CLASP1: variants seen among roughly 807,000 people sequenced by gnomAD.
CLASP1 encodes CLIP-associating protein 1.
CLASP1 carries 38 observed loss-of-function variants against 192.3 expected under a neutral mutation model. That is an observed-to-expected ratio of 0.20 (90% CI 0.15 to 0.26). The LOEUF (loss-of-function observed/expected upper bound fraction) is 0.26, where lower values mean the gene tolerates loss of function less well. CLASP1 is among the 10% of genes least tolerant of loss of function. The pLI is 1.00. For synonymous variants in CLASP1, 691 were observed against 712.8 expected (o/e 0.97, Z 0.49); for missense variants, 1,433 against 1,932.5 (o/e 0.74, Z 4.85).
chr2:121,591,632 C>T (rs1389739866), intron 2 of CLASP1, among the ~76,000 whole-genome samples: 2 of 152,226 alleles, frequency 1.3e-5, no homozygotes, highest in Non-Finnish European at 2.9e-5. Flanking sequence ...CGCTGGTGCA[C>T]AACCAGGCCA....
intron 1 of CLASP1, among the ~76,000 whole-genome samples, chr2:121,610,267 G>A (rs2065059960): frequency 6.6e-6 from 1 of 151,396 alleles, no homozygotes; most frequent in Non-Finnish European, 1.5e-5. Context: ...GGAGTTACAG[G>A]AGGAAGAGAA....
At chr2:121,530,974 G>C (rs774196943) in intron 2 of CLASP1, 9 of 700,234 alleles carry the variant, frequency 1.3e-5, no homozygotes, top group African/African-American at 7.0e-5. Flanking sequence ...ATCAACTAGA[G>C]CTTTTGCTTT....
intron 23 of CLASP1, among the ~76,000 whole-genome samples, 149 bp from the exon 24 acceptor site, chr2:121,414,352 G>C (rs1180677748): frequency 6.6e-6 from 1 of 152,212 alleles, no homozygotes; most frequent in African/African-American, 2.4e-5. Context: ...TGAATGGACA[G>C]CAAGTGCCAA....
chr2:121,385,997 A>C (rs954408848), intron 32 of CLASP1, among the ~76,000 whole-genome samples: 1 of 152,214 alleles, frequency 6.6e-6, no homozygotes, highest in Non-Finnish European at 1.5e-5. Flanking sequence ...AACTTGAGGG[A>C]GTAAACATAA....
At chr2:121,428,605 G>T (rs2080864835) in intron 20 of CLASP1, among the ~76,000 whole-genome samples, 2 of 152,008 alleles carry the variant, frequency 1.3e-5, no homozygotes, top group South Asian at 4.1e-4. Context: ...CTGCACCCTG[G>T]ATCTGAATGA....
chr2:121,477,874 C>T (rs1161299515), intron 8 of CLASP1, among the ~76,000 whole-genome samples: 2 of 152,192 alleles, frequency 1.3e-5, no homozygotes, highest in African/African-American at 2.4e-5. Context: ...ATTAAATCCT[C>T]CTGACAACGC....
At chr2:121,504,895 C>T (rs1030033705) in intron 7 of CLASP1, 9 of 152,258 alleles carry the variant, frequency 5.9e-5, no homozygotes, top group African/African-American at 2.2e-4. Flanking sequence ...CCAATTGCCA[C>T]CTCAGGACCA....
At chr2:121,577,982 G>C (rs1353823934) in intron 2 of CLASP1, among the ~76,000 whole-genome samples, 2 of 152,140 alleles carry the variant, frequency 1.3e-5, no homozygotes, top group Admixed American at 1.3e-4. Flanking sequence ...ACCCAGGCTA[G>C]AGGGCAGTGG....
At chr2:121,550,297 G>T (rs1450746716) in intron 2 of CLASP1, among the ~76,000 whole-genome samples, 1 of 151,914 alleles carries the variant, frequency 6.6e-6, no homozygotes, top group Non-Finnish European at 1.5e-5. Context: ...TAAAAAGAAA[G>T]ATTTCAAATT....
intron 30 of CLASP1, among the ~76,000 whole-genome samples, chr2:121,392,696 C>T (rs183347641): frequency 1.8e-4 from 28 of 152,340 alleles, no homozygotes; most frequent in African/African-American, 6.7e-4. Context: ...AACTCCAGAA[C>T]CCACCTTCTT....
rs139495292 is a variant in CLASP1, at chr2:121,530,919, C to T, written c.196-594G>A. The T allele has an allele frequency of 9.9e-5, 69 of 699,610 alleles. No homozygotes were observed. The highest frequency in any genetic ancestry group is 1.4e-4 in the Non-Finnish European group (53 of 384,256). 43.3% of individuals were successfully genotyped at this position (699,610 alleles called of 1,614,324 possible). ...TGGGGTTGCGCTACTGTCCAATGAGCGCATAGTGAGGGCAGTACTGCTAAC... is the reference window on the plus strand; with the variant it reads ...TGGGGTTGCGCTACTGTCCAATGAGTGCATAGTGAGGGCAGTACTGCTAAC... On this transcript the variant is annotated intron_variant, in intron 2 of 39. Transcript: ENST00000263710.
intron 9 of CLASP1, 43 bp downstream of exon 9, chr2:121,469,765 T>G: frequency 6.4e-7 from 1 of 1,562,032 alleles, no homozygotes. Context: ...TTTGAAAAGC[T>G]GGCATAGCTG....
At chr2:121,386,706 C>A (rs780202515) in intron 32 of CLASP1, among the ~76,000 whole-genome samples, 1 of 152,208 alleles carries the variant, frequency 6.6e-6, no homozygotes, top group Admixed American at 6.5e-5. Flanking sequence ...AGAATGATTA[C>A]TTGGTTGAAA....
chr2:121,451,912 T>C (rs770994124), intron 14 of CLASP1, 63 bp from the exon 15 acceptor site: 5 of 1,199,218 alleles, frequency 4.2e-6, no homozygotes, highest in Non-Finnish European at 6.0e-6. Flanking sequence ...GAAAACGGCA[T>C]TTTTCTTAAG....
intron 34 of CLASP1, among the ~76,000 whole-genome samples, chr2:121,370,460 G>A (rs2068403526): frequency 6.6e-6 from 1 of 152,150 alleles, no homozygotes; most frequent in African/African-American, 2.4e-5. Flanking sequence ...CAAGGAGCTG[G>A]GATTACAGGC....
chr2:121,574,246 T>G (rs1266567676), intron 2 of CLASP1, among the ~76,000 whole-genome samples: 1 of 150,750 alleles, frequency 6.6e-6, no homozygotes, highest in Non-Finnish European at 1.5e-5. Context: ...GAGAATGGCA[T>G]GAACCCAGGA....
intron 8 of CLASP1, among the ~76,000 whole-genome samples, chr2:121,496,055 A>C (rs1323663677): frequency 2.0e-5 from 3 of 152,242 alleles, no homozygotes; most frequent in Admixed American, 2.0e-4. Flanking sequence ...ACACATTTCC[A>C]AAGCAATCCC....
At chr2:121,395,962 A>G (rs566415953) in intron 30 of CLASP1, among the ~76,000 whole-genome samples, 1 of 152,336 alleles carries the variant, frequency 6.6e-6, no homozygotes, top group South Asian at 2.1e-4. Context: ...GATTCATTCC[A>G]AGGCCATGGC....
intron 2 of CLASP1, among the ~76,000 whole-genome samples, chr2:121,576,007 G>T (rs2060483660): frequency 6.6e-6 from 1 of 152,200 alleles, no homozygotes; most frequent in Admixed American, 6.5e-5. Flanking sequence ...ATCCCTGACG[G>T]ATAGGCCTCT....
Sources: gnomAD v4.1 joint callset for allele counts (sites outside exome capture counted in the v4.1 genomes callset) on GRCh38, gnomAD v4.1.1 for gene constraint, MANE v1.5 for transcripts, NCBI Gene and HGNC (gene_info 2026-07-23, HGNC 2026-07-21) for gene names.